TMEM35A: variants seen among roughly 807,000 people sequenced by gnomAD.
The protein encoded by TMEM35A is transmembrane protein 35A.
For missense variants in TMEM35A, 83 were observed against 132.7 expected, an observed-to-expected ratio of 0.63 and a Z score of 1.84; for synonymous variants, 50 against 54.7, an observed-to-expected ratio of 0.91 and a Z score of 0.38.
chrX:101,089,400 C>A (rs987353875), intron 1 of TMEM35A, among the ~76,000 whole-genome samples: 1 of 109,858 alleles, frequency 9.1e-6, no homozygotes, highest in Non-Finnish European at 1.9e-5. Flanking sequence ...TTTACCTAAT[C>A]AGTGAGTGTT....
At chrX:101,085,549 C>T (rs2089304634) in intron 1 of TMEM35A, among the ~76,000 whole-genome samples, 1 of 110,551 alleles carries the variant, frequency 9.0e-6, no homozygotes, top group African/African-American at 3.3e-5. Context: ...TGCAGTGAGC[C>T]GAGATCGTGC....
chrX:101,093,590 A>G (rs1302498114), intron 1 of TMEM35A, among the ~76,000 whole-genome samples: 6 of 111,676 alleles, frequency 5.4e-5, no homozygotes, highest in Non-Finnish European at 1.1e-4. Context: ...CTGGGATTAC[A>G]GGCGTGAGCC....
At chrX:101,090,739 C>G (rs1270636561) in intron 1 of TMEM35A, among the ~76,000 whole-genome samples, 1 of 111,209 alleles carries the variant, frequency 9.0e-6, no homozygotes, top group East Asian at 2.8e-4. Flanking sequence ...TAACACCTAT[C>G]TATCTCTCCA....
intron 1 of TMEM35A, among the ~76,000 whole-genome samples, chrX:101,090,262 C>T (rs1440097764): frequency 5.6e-5 from 6 of 107,211 alleles, no homozygotes; most frequent in African/African-American, 1.1e-4. Flanking sequence ...AAGTGATTCT[C>T]GTGCCTCAGC....
chrX:101,087,017 T>A (rs1363404091), intron 1 of TMEM35A, among the ~76,000 whole-genome samples: 4 of 101,620 alleles, frequency 3.9e-5, no homozygotes, highest in African/African-American at 1.5e-4. Flanking sequence ...AGTGCCATGG[T>A]GTGGCCTCGG....
chrX:101,092,705 CAAA>C (rs753771541), intron 1 of TMEM35A, among the ~76,000 whole-genome samples: 1 of 85,354 alleles, frequency 1.2e-5, no homozygotes, highest in Non-Finnish European at 2.4e-5. Context: ...ACTAAAAATA[CAAA>C]AAAAAAAAAA....
At chrX:101,090,705 T>A (rs1429309390) in intron 1 of TMEM35A, among the ~76,000 whole-genome samples, 2 of 110,993 alleles carry the variant, frequency 1.8e-5, no homozygotes, top group African/African-American at 6.5e-5. Context: ...GATTATCTGA[T>A]ATATACCCAT....
At chrX:101,091,004 A>AT (rs964961102) in intron 1 of TMEM35A, among the ~76,000 whole-genome samples, 5 of 109,538 alleles carry the variant, frequency 4.6e-5, no homozygotes, top group Non-Finnish European at 7.6e-5. Context: ...CGCCTGGGTA[A>AT]TTTTTTTTGT....
chrX:101,091,121 G>A (rs1286023174), intron 1 of TMEM35A, among the ~76,000 whole-genome samples: 10 of 110,424 alleles, frequency 9.1e-5, no homozygotes, highest in Non-Finnish European at 5.7e-5. Context: ...GATTACAGGC[G>A]TGAGACACTG....
chrX:101,093,218 A>G (rs183528466), intron 1 of TMEM35A, among the ~76,000 whole-genome samples: 391 of 112,413 alleles, frequency 3.5e-3, no homozygotes, highest in African/African-American at 0.012. Flanking sequence ...CAAAGCAGGC[A>G]CTAGAAAATA....
At chrX:101,091,010 T>A (rs2089322638) in intron 1 of TMEM35A, among the ~76,000 whole-genome samples, 1 of 110,557 alleles carries the variant, frequency 9.0e-6, no homozygotes, top group African/African-American at 3.3e-5. Flanking sequence ...GGTAATTTTT[T>A]TTGTATTTTT....
rs756826714 is a variant in TMEM35A, at chrX:101,079,012, C to T, written c.10C>T (p.Pro4Ser). 9.9e-6 allele frequency: 12 copies of T among 1,209,923 alleles called. No homozygotes were observed. The South Asian group carries it at 1.2e-4, about 12-fold the overall frequency. ...CTGCCTTGGCGACCCCATGGCATCC[C>T]CCAGAACCGTAACTATTGTGGCCCT... is the stretch of plus-strand genomic sequence containing the variant. MAS[P>S]RTVTIVALSV... is the part of the protein sequence containing the mutation. The change falls in exon 1 of 2, where the codon CCC (proline) becomes TCC (serine). Residue 4 changes from proline (P) to serine (S), a missense_variant. Pro to Ser is a moderately conservative substitution (Grantham distance 74, BLOSUM62 -1). Transcript: ENST00000372930.
chrX:101,080,880 G>A (rs758777974), intron 1 of TMEM35A, among the ~76,000 whole-genome samples: 2 of 109,664 alleles, frequency 1.8e-5, no homozygotes, highest in Admixed American at 2.0e-4. Context: ...TGCTTCAGAG[G>A]CCCCCCCAAG....
chrX:101,084,899 G>C (rs1569495626), intron 1 of TMEM35A, among the ~76,000 whole-genome samples: 3 of 108,688 alleles, frequency 2.8e-5, no homozygotes, highest in African/African-American at 1.0e-4. Flanking sequence ...AAAACAAAAA[G>C]AAAAAAAACA....
intron 1 of TMEM35A, among the ~76,000 whole-genome samples, chrX:101,087,553 G>A (rs754098363): frequency 9.7e-4 from 109 of 112,073 alleles, no homozygotes; most frequent in African/African-American, 2.7e-3. Flanking sequence ...GTAATACGCC[G>A]TTCTACTAAA....
rs375216738 is a variant in TMEM35A, at chrX:101,094,918, T to C, written c.466T>C (p.Tyr156His). 8.3e-7 allele frequency: 1 copy of C among 1,202,529 alleles called. No homozygotes were observed. Among genetic ancestry groups the C allele is most frequent in the Non-Finnish European group, 1.1e-6 (1 of 893,113 alleles). Residue 156 changes from tyrosine (Y) to histidine (H), a missense_variant, in exon 2 of 2, where the codon TAT becomes CAT. Tyr to His is a moderately conservative substitution (Grantham distance 83). Coordinates refer to ENST00000372930, the MANE Select transcript of TMEM35A (RefSeq NM_021637.3). The stretch of plus-strand genomic sequence containing the variant: ...GAATGCTGAGGAGCAACCCTCCTTA[T>C]ATGAGAAGGCCCCTCAGGGCAAAGT... ...PGNAEEQPSL[Y>H]EKAPQGKVKV... is the part of the protein sequence containing the mutation.
Position 101,079,119 on chromosome X carries a change from G to A in TMEM35A, c.117G>A (p.Glu39=), listed in dbSNP as rs2089284235. ...GGCTCAGCAAGGATGCCTACAGTGA[G>A]ATGGTAAGTGAAGCAAACGGGTGAT... ...TPRLSKDAYS[E]MKRAYKSYVR... is the part of the protein sequence containing the mutation. Residue 39 remains glutamate, a synonymous_variant, in exon 1 of 2, where the codon GAG becomes GAA. Transcript: ENST00000372930. 8.3e-7 allele frequency: 1 copy of A among 1,210,869 alleles called. No homozygotes were observed. The highest frequency in any genetic ancestry group is 1.1e-6 in the Non-Finnish European group (1 of 895,167).
At chrX:101,090,678 C>T (rs1031824635) in intron 1 of TMEM35A, among the ~76,000 whole-genome samples, 2 of 110,209 alleles carry the variant, frequency 1.8e-5, no homozygotes, top group Non-Finnish European at 3.8e-5. Flanking sequence ...CCCTGACCCC[C>T]GCATTCTGTT....
intron 1 of TMEM35A, among the ~76,000 whole-genome samples, chrX:101,079,745 G>C (rs767504651): frequency 1.8e-5 from 2 of 111,681 alleles, no homozygotes; most frequent in East Asian, 5.6e-4. Flanking sequence ...GGGAGAGCTA[G>C]ATGTTTTGTT....
Sources: gnomAD v4.1 joint callset for allele counts (sites outside exome capture counted in the v4.1 genomes callset) on GRCh38, gnomAD v4.1.1 for gene constraint, MANE v1.5 for transcripts, NCBI Gene and HGNC (gene_info 2026-07-23, HGNC 2026-07-21) for gene names.